PRAMEF15: variants seen among roughly 807,000 people sequenced by gnomAD.
PRAMEF15 encodes the protein PRAME family member 9/15.
Under a neutral mutation model 35.3 loss-of-function variants are expected in PRAMEF15, and 21 were observed. The ratio of observed to expected loss-of-function variants is 0.59; its 90% CI spans 0.42 to 0.86. PRAMEF15 has a LOEUF of 0.86. PRAMEF15 is among the 40% of genes least tolerant of loss of function. PRAMEF15 has a pLI of 0.00. For synonymous variants in PRAMEF15, 122 were observed against 223.3 expected, an observed-to-expected ratio of 0.55 and a Z score of 4.05; for missense variants, 360 against 574.1, an observed-to-expected ratio of 0.63 and a Z score of 3.81.
In PRAMEF15 at chr1:13,322,398, G is replaced by A; in HGVS notation, c.*134G>A. ...CACATAGGCTCTGAAAGTGGGAAAG[G>A]AAAGCTGATCAAGCAGGGGCCGGAC... On this transcript the variant is annotated 3_prime_UTR_variant, in exon 4 of 4. Transcript: ENST00000376152. 1.4e-6 allele frequency: 1 copy of A among 691,052 alleles called. No individual in the cohort carries two copies. Among genetic ancestry groups the A allele is most frequent in the Non-Finnish European group, 2.4e-6 (1 of 417,234 alleles). The allele number at this position is 691,052 out of a possible 1,614,324, so 42.8% of individuals were successfully genotyped here. A position where few individuals can be genotyped will look rare whatever the true frequency, so the allele number is the denominator to read the frequency against.
In PRAMEF15 at chr1:13,318,995, G is replaced by C. The variant is rs1205012264; in HGVS notation, c.293+295G>C. On this transcript the variant is annotated intron_variant, in intron 2 of 3. Transcript: ENST00000376152. ...TGGGAGGCTGAGGTCAAGAGTTGGA[G>C]GCCAGCCTGTCCAACATGGTAAACC... Among the ~76,000 whole-genome samples the C allele has an allele frequency of 2.7e-3, 403 of 152,046 alleles. 2 individuals are homozygous for C. The highest frequency in any genetic ancestry group is 6.8e-3 in the Middle Eastern group (2 of 294).
chr1:13,320,502 C>A (rs1217615787), intron 3 of PRAMEF15, among the ~76,000 whole-genome samples: 3 of 151,998 alleles, frequency 2.0e-5, no homozygotes, highest in African/African-American at 4.8e-5. Context: ...CAGCTCGCAG[C>A]GACTTCTGCC....
At chr1:13,318,929 C>G (rs1272434902) in intron 2 of PRAMEF15, among the ~76,000 whole-genome samples, 2 of 152,002 alleles carry the variant, frequency 1.3e-5, no homozygotes, top group African/African-American at 2.4e-5. Flanking sequence ...AAAGTGAGAA[C>G]TGGGCCGGGC....
intron 1 of PRAMEF15, among the ~76,000 whole-genome samples, chr1:13,316,962 C>T (rs1293498014): frequency 3.4e-5 from 5 of 148,272 alleles, no homozygotes; most frequent in South Asian, 4.3e-4. Context: ...CACCCTATCC[C>T]GAAATCTTTC....
chr1:13,321,611 A>T (rs1553166460), intron 3 of PRAMEF15, 92 bp from the exon 4 acceptor site: 290,248 of 1,074,838 alleles, frequency 0.27, 53,607 homozygotes, highest in Admixed American at 0.37. Flanking sequence ...TTGGGCAAAA[A>T]GGTCTCCATC....
At position 13,322,133 on chromosome 1, in the gene PRAMEF15, A is replaced by G. The variant is rs1640093013; in HGVS notation, c.1306A>G (p.Ile436Val). ...TCTCTGCTGGAGCAGATTTGCTCAAATTAGGGCTGAGCTGATGAACAGAGT... is the reference window on the plus strand; with the variant it reads ...TCTCTGCTGGAGCAGATTTGCTCAAGTTAGGGCTGAGCTGATGAACAGAGT... The part of the protein sequence containing the change: ...GTLCWSRFAQ[I>V]RAELMNRVRD... The change falls in exon 4 of 4, where the codon ATT becomes GTT. Residue 436 changes from isoleucine (I) to valine (V), a missense_variant. Physicochemically the swap from Ile to Val is conservative, Grantham distance 29. This residue lies in a region of PRAMEF15 where 147 missense variants were observed against 123.5 expected (regional missense o/e 1.19). Transcript: ENST00000376152. The G allele has an allele frequency of 6.2e-7, 1 of 1,609,418 alleles. No individual in the cohort carries two copies. Among genetic ancestry groups the G allele is most frequent in the Non-Finnish European group, 8.5e-7 (1 of 1,179,106 alleles).
rs1323905347 is a variant in PRAMEF15 at position 13,322,078 on chromosome 1, C to T, written c.1251C>T (p.Ala417=). Residue 417 remains alanine (A), a synonymous_variant, in exon 4 of 4, where the codon GCC becomes GCT. Coordinates refer to ENST00000376152, the MANE Select transcript of PRAMEF15 (RefSeq NM_001098376.3). ...ACTTATGTGTGGAGCTGTATCCTGC[C>T]CCCCGAGAGAGTTATGGTGCTGATG... is the stretch of plus-strand genomic sequence containing the variant. The part of the protein sequence containing the change: ...LKNLCVELYP[A]PRESYGADGT... The T allele has an allele frequency of 1.9e-6, 3 of 1,608,904 alleles. No individual in the cohort carries two copies. The highest frequency in any genetic ancestry group is 2.5e-6 in the Non-Finnish European group (3 of 1,178,344).
chr1:13,320,459 G>C (rs2100323760), intron 3 of PRAMEF15, among the ~76,000 whole-genome samples: 1 of 152,054 alleles, frequency 6.6e-6, no homozygotes, highest in South Asian at 2.1e-4. Flanking sequence ...GTTTCACTTT[G>C]ATCGTCCAGG....
chr1:13,317,084 GTC>G (rs1423227627), intron 1 of PRAMEF15, among the ~76,000 whole-genome samples: 1 of 151,326 alleles, frequency 6.6e-6, no homozygotes, highest in East Asian at 2.0e-4. Flanking sequence ...AGCTCTCTCT[GTC>G]TCTCAGTTCA....
At chr1:13,319,181 G>A (rs1640047012) in intron 2 of PRAMEF15, among the ~76,000 whole-genome samples, 191 bp from the exon 3 acceptor site, 1 of 148,770 alleles carries the variant, frequency 6.7e-6, no homozygotes. Context: ...GCGACACAGG[G>A]AGACTTGGTC....
intron 1 of PRAMEF15, among the ~76,000 whole-genome samples, chr1:13,317,164 G>A (rs1436613582): frequency 1.3e-5 from 2 of 151,544 alleles, no homozygotes; most frequent in Non-Finnish European, 2.9e-5. Context: ...CTGCCTCCTG[G>A]GTTCAAGTGA....
At chr1:13,319,308 G>A in intron 2 of PRAMEF15, 64 bp from the exon 3 acceptor site, 1 of 1,599,176 alleles carries the variant, frequency 6.3e-7, no homozygotes, top group South Asian at 1.1e-5. Context: ...TGCTATCCAG[G>A]ATGTGGAGTT....
intron 3 of PRAMEF15, among the ~76,000 whole-genome samples, chr1:13,321,404 G>T (rs1640081719): frequency 1.3e-5 from 2 of 151,430 alleles, no homozygotes; most frequent in South Asian, 2.1e-4. Context: ...TAGTAGAGAG[G>T]AGGTTTTACC....
chr1:13,318,677 G>T lies in PRAMEF15; in HGVS notation c.270G>T (p.Leu90=). Residue 90 remains leucine, a synonymous_variant, in exon 2 of 4, where the codon CTG becomes CTT. Coordinates refer to ENST00000376152, the MANE Select transcript of PRAMEF15 (RefSeq NM_001098376.3). The part of the protein sequence containing the change: ...FQAVLDGLDA[L]LTQGVRPRRW... ...CTGTGCTCGATGGGCTTGATGCACTGCTTACCCAAGGGGTTCGTCCCAGGT... is the reference window on the plus strand; with the variant it reads ...CTGTGCTCGATGGGCTTGATGCACTTCTTACCCAAGGGGTTCGTCCCAGGT... 1 of 1,613,952 alleles carries T rather than the reference G, an allele frequency of 6.2e-7. No homozygotes were observed. Among genetic ancestry groups the T allele is most frequent in the East Asian group, 2.2e-5 (1 of 44,880 alleles).
chr1:13,316,004 T>G (rs1221822064), intron 1 of PRAMEF15, among the ~76,000 whole-genome samples: 4 of 150,646 alleles, frequency 2.7e-5, no homozygotes, highest in Non-Finnish European at 5.9e-5. Flanking sequence ...TGCACAACGT[T>G]TTTTTTGGGG....
intron 3 of PRAMEF15, among the ~76,000 whole-genome samples, chr1:13,320,474 A>C (rs1640069640): frequency 6.6e-6 from 1 of 152,088 alleles, no homozygotes. Context: ...TCCAGGCTAC[A>C]GTGCAGTTGT....
rs1360436054 is a variant in PRAMEF15 at position 13,318,460 on chromosome 1, G to A, written c.53G>A (p.Ser18Asn). ...AGACTCCTGGAGCTTGCAGGGCGGAGCCTGCTGAGGGACCAAGCTTTGGCC... is the reference window on the plus strand; with the variant it reads ...AGACTCCTGGAGCTTGCAGGGCGGAACCTGCTGAGGGACCAAGCTTTGGCC... ...PPRLLELAGR[S>N]LLRDQALAMS... is the part of the protein sequence containing the mutation. Residue 18 changes from serine (S) to asparagine (N), a missense_variant, in exon 2 of 4, where the codon AGC (serine) becomes AAC (asparagine). Around this residue, in one of 8 missense-constraint regions of PRAMEF15, gnomAD observed 31 missense variants for 46.4 expected, o/e 0.67. Coordinates refer to ENST00000376152, the MANE Select transcript of PRAMEF15 (RefSeq NM_001098376.3). 186 of 1,613,890 alleles carry A rather than the reference G, an allele frequency of 1.2e-4. No homozygotes were observed. The highest frequency in any genetic ancestry group is 1.5e-4 in the Non-Finnish European group (181 of 1,180,030).
At chr1:13,316,365 C>A (rs1259972818) in intron 1 of PRAMEF15, among the ~76,000 whole-genome samples, 2 of 151,602 alleles carry the variant, frequency 1.3e-5, no homozygotes, top group Non-Finnish European at 2.9e-5. Context: ...ATTGAGGCTG[C>A]AGTGAGCCAT....
intron 3 of PRAMEF15, among the ~76,000 whole-genome samples, 185 bp downstream of exon 3, chr1:13,320,138 G>A (rs1428341234): frequency 1.3e-5 from 2 of 152,110 alleles, no homozygotes; most frequent in Non-Finnish European, 2.9e-5. Flanking sequence ...CCCAATAGAG[G>A]CAGAGGGATC....
Sources: gnomAD v4.1 joint callset for allele counts (sites outside exome capture counted in the v4.1 genomes callset) on GRCh38, gnomAD v4.1.1 for gene constraint, gnomAD v4.1.1 regional missense constraint, MANE v1.5 for transcripts, NCBI Gene and HGNC (gene_info 2026-07-23, HGNC 2026-07-21) for gene names.